The following FSIP1 variants were observed in gnomAD, a reference collection of about 807,000 sequenced individuals.
FSIP1 encodes the protein fibrous sheath-interacting protein 1.
Under a neutral mutation model 60.9 loss-of-function variants are expected in FSIP1, and 65 were observed. The observed-to-expected ratio is 1.07, with a 90% CI of 0.87 to 1.31. The LOEUF (loss-of-function observed/expected upper bound fraction) is 1.31. FSIP1 is among the 40% of genes most tolerant of loss of function. The pLI, the probability that FSIP1 is intolerant of heterozygous loss-of-function variation, is 0.00. For synonymous variants in FSIP1, 209 were observed against 221.2 expected (o/e 0.94, Z 0.49); for missense variants, 675 against 665.5 (o/e 1.01, Z -0.16).
intron 11 of FSIP1, among the ~76,000 whole-genome samples, chr15:39,602,681 A>G (rs1890683125): frequency 6.6e-6 from 1 of 152,176 alleles, no homozygotes; most frequent in Admixed American, 6.5e-5. Flanking sequence ...ATGATGGGAC[A>G]TAATTCCACG....
At chr15:39,780,397 C>T (rs1347785111) in intron 1 of FSIP1, among the ~76,000 whole-genome samples, 6 of 152,088 alleles carry the variant, frequency 3.9e-5, no homozygotes, top group South Asian at 4.1e-4. Context: ...TGGTGATGGG[C>T]GCCTGTAGTC....
chr15:39,699,375 T>C (rs751068562), intron 10 of FSIP1, among the ~76,000 whole-genome samples: 1 of 152,206 alleles, frequency 6.6e-6, no homozygotes, highest in Non-Finnish European at 1.5e-5. Context: ...TTCACAATCT[T>C]AATGTTGGAT....
intron 10 of FSIP1, among the ~76,000 whole-genome samples, chr15:39,691,067 A>G (rs1894579713): frequency 6.6e-6 from 1 of 152,180 alleles, no homozygotes; most frequent in South Asian, 2.1e-4. Context: ...TGGCCCCTAT[A>G]CAGGCAATCA....
chr15:39,708,404 A>G (rs1235368424), intron 10 of FSIP1, among the ~76,000 whole-genome samples: 1 of 152,194 alleles, frequency 6.6e-6, no homozygotes, highest in Non-Finnish European at 1.5e-5. Context: ...ACCATTTCCA[A>G]TGAGATAATT....
At chr15:39,731,210 T>A (rs1227103696) in intron 8 of FSIP1, among the ~76,000 whole-genome samples, 1 of 152,182 alleles carries the variant, frequency 6.6e-6, no homozygotes, top group Non-Finnish European at 1.5e-5. Context: ...TTCAGTTAGC[T>A]AAAGGCACAC....
Position 39,721,725 on chromosome 15 carries a change from C to T in FSIP1, c.1050+4864G>A, listed in dbSNP as rs115675614. On this transcript the variant is annotated intron_variant, in intron 9 of 11. Transcript: ENST00000350221. ...TAGAGTGGTGGATACTGCAGCAAAC[C>T]GGAGAATCTGTGCCCCATAGAAAGA... Among the ~76,000 whole-genome samples the T allele has an allele frequency of 5.9e-3, 895 of 152,310 alleles. 7 individuals are homozygous for T. The highest frequency in any genetic ancestry group is 0.02 in the African/African-American group (843 of 41,566).
intron 10 of FSIP1, among the ~76,000 whole-genome samples, chr15:39,693,670 T>C (rs918610827): frequency 3.9e-5 from 6 of 152,220 alleles, no homozygotes; most frequent in South Asian, 2.1e-4. Flanking sequence ...GAATACTATA[T>C]ACAAAGGAGA....
chr15:39,613,750 T>A (rs1891118139), intron 11 of FSIP1, among the ~76,000 whole-genome samples: 1 of 152,124 alleles, frequency 6.6e-6, no homozygotes, highest in African/African-American at 2.4e-5. Context: ...AAAAGAATCA[T>A]TCACATGATC....
At chr15:39,748,551 C>T (rs928656505) in intron 5 of FSIP1, among the ~76,000 whole-genome samples, 1 of 152,196 alleles carries the variant, frequency 6.6e-6, no homozygotes. Flanking sequence ...CCCTCATTCT[C>T]CCCTGCAGCA....
intron 10 of FSIP1, among the ~76,000 whole-genome samples, chr15:39,676,630 G>C (rs974745885): frequency 1.3e-5 from 2 of 152,140 alleles, no homozygotes; most frequent in African/African-American, 4.8e-5. Flanking sequence ...AATGTCATTA[G>C]CATATTCTGA....
intron 5 of FSIP1, among the ~76,000 whole-genome samples, chr15:39,753,962 CAG>C (rs935983262): frequency 1.1e-4 from 16 of 148,238 alleles, no homozygotes; most frequent in Admixed American, 6.0e-4. Flanking sequence ...GCATAGCTAA[CAG>C]ATGTATGAAA....
intron 4 of FSIP1, 117 bp from the exon 5 acceptor site, chr15:39,764,031 A>AT (rs199579137): frequency 0.088 from 39,506 of 450,752 alleles, 179 homozygotes; most frequent in South Asian, 0.11. Flanking sequence ...GTCTCAGGCT[A>AT]TTTTTTTTTT....
chr15:39,658,498 C>T (rs1305380326), intron 10 of FSIP1, among the ~76,000 whole-genome samples: 1 of 152,128 alleles, frequency 6.6e-6, no homozygotes, highest in African/African-American at 2.4e-5. Context: ...GATCCGCCCA[C>T]CTCAGCCTCC....
At chr15:39,602,650 C>T (rs923696394) in intron 11 of FSIP1, among the ~76,000 whole-genome samples, 1 of 152,098 alleles carries the variant, frequency 6.6e-6, no homozygotes, top group African/African-American at 2.4e-5. Flanking sequence ...GATCACAATA[C>T]CCCCATGCAT....
intron 10 of FSIP1, among the ~76,000 whole-genome samples, chr15:39,644,822 A>G (rs1013244731): frequency 6.6e-6 from 1 of 152,186 alleles, no homozygotes; most frequent in African/African-American, 2.4e-5. Flanking sequence ...GCCGGCTGCC[A>G]TCAAAGGTTG....
intron 10 of FSIP1, among the ~76,000 whole-genome samples, chr15:39,664,080 G>A (rs1442594096): frequency 1.3e-5 from 2 of 151,530 alleles, no homozygotes; most frequent in Non-Finnish European, 3.0e-5. Flanking sequence ...GTGGGGGAAG[G>A]GTCTTCACAT....
chr15:39,613,571 C>CTGAAGTGGAAG (rs1891111492), intron 11 of FSIP1, among the ~76,000 whole-genome samples: 1 of 152,100 alleles, frequency 6.6e-6, no homozygotes, highest in Non-Finnish European at 1.5e-5. Context: ...TTCCAAAAAA[C>CTGAAGTGGAAG]TGAAGTGGAA....
intron 10 of FSIP1, among the ~76,000 whole-genome samples, chr15:39,701,055 G>A (rs1403540879): frequency 1.3e-5 from 2 of 152,148 alleles, no homozygotes; most frequent in Non-Finnish European, 2.9e-5. Flanking sequence ...GGGGGGCTGA[G>A]GTGGAAGGAT....
At chr15:39,759,083 A>G (rs1897397901) in intron 5 of FSIP1, among the ~76,000 whole-genome samples, 1 of 152,096 alleles carries the variant, frequency 6.6e-6, no homozygotes, top group South Asian at 2.1e-4. Context: ...TGAAAGGAAA[A>G]TATATATTTT....
Sources: gnomAD v4.1 joint callset for allele counts (sites outside exome capture counted in the v4.1 genomes callset) on GRCh38, gnomAD v4.1.1 for gene constraint, MANE v1.5 for transcripts, NCBI Gene and HGNC (gene_info 2026-07-23, HGNC 2026-07-21) for gene names.